The following MEGF9 variants were observed in gnomAD, a reference collection of about 807,000 sequenced individuals.
The protein encoded by MEGF9 is multiple EGF like domains 9.
In MEGF9, 6 loss-of-function variants were observed where a neutral mutation model predicts 46.8. The ratio of observed to expected loss-of-function variants is 0.13; its 90% CI spans 0.07 to 0.25. The LOEUF (loss-of-function observed/expected upper bound fraction) is 0.25, where lower values mean the gene tolerates loss of function less well. MEGF9 is among the 10% of genes least tolerant of loss of function. The pLI, the probability that MEGF9 is intolerant of heterozygous loss-of-function variation, is 1.00. For missense variants in MEGF9, 683 were observed against 792.4 expected (o/e 0.86, Z 1.66); for synonymous variants, 302 against 330.7 (o/e 0.91, Z 0.94).
intron 1 of MEGF9, among the ~76,000 whole-genome samples, chr9:120,695,173 T>C (rs1311087508): frequency 6.6e-6 from 1 of 152,162 alleles, no homozygotes; most frequent in Non-Finnish European, 1.5e-5. Flanking sequence ...TAGTATTTAC[T>C]ACATGCTGAA....
rs566744162 is a variant in MEGF9 at position 120,646,920 on chromosome 9, G to C, written c.803+12454C>G. On this transcript the variant is annotated intron_variant, in intron 2 of 5. Coordinates refer to ENST00000373930, the MANE Select transcript of MEGF9 (RefSeq NM_001080497.3). ...ATATATTCAACTACAGATTTAGAGG[G>C]GAGCTTCTCACAAAAATGAAATAAA... Among the ~76,000 whole-genome samples, 6 of 151,596 alleles carry C rather than the reference G, an allele frequency of 4.0e-5. No homozygotes were observed. The South Asian group carries it at 1.3e-3, about 32-fold the overall frequency.
At chr9:120,610,017 T>C (rs2043438401) in intron 4 of MEGF9, among the ~76,000 whole-genome samples, 1 of 152,188 alleles carries the variant, frequency 6.6e-6, no homozygotes, top group East Asian at 1.9e-4. Flanking sequence ...TAAAGAATTC[T>C]AACTTACCAC....
At chr9:120,645,764 ATAAAGATTAACAGTTT>A (rs2132315348) in intron 2 of MEGF9, among the ~76,000 whole-genome samples, 1 of 152,326 alleles carries the variant, frequency 6.6e-6, no homozygotes, top group South Asian at 2.1e-4. Flanking sequence ...AGGCCTCCTT[ATAAAGATTAACAGTTT>A]TAAAAACTCT....
At chr9:120,671,688 T>C (rs1283293814) in intron 1 of MEGF9, among the ~76,000 whole-genome samples, 4 of 152,192 alleles carry the variant, frequency 2.6e-5, no homozygotes, top group Non-Finnish European at 5.9e-5. Flanking sequence ...AGCATTTTAA[T>C]AAGAAATAAC....
At chr9:120,678,766 A>G (rs113292480) in intron 1 of MEGF9, among the ~76,000 whole-genome samples, 3,611 of 152,132 alleles carry the variant, frequency 0.024, 152 homozygotes, top group African/African-American at 0.083. Flanking sequence ...GAGCCACTGC[A>G]TTCAGCCTGA....
chr9:120,674,772 G>A (rs534678301), intron 1 of MEGF9, among the ~76,000 whole-genome samples: 2 of 152,094 alleles, frequency 1.3e-5, no homozygotes, highest in East Asian at 1.9e-4. Context: ...GTCTTGCTAT[G>A]TTGGCCAGGC....
chr9:120,617,673 G>A (rs1444102319), intron 3 of MEGF9, among the ~76,000 whole-genome samples: 3 of 152,220 alleles, frequency 2.0e-5, no homozygotes, highest in East Asian at 3.8e-4. Flanking sequence ...TGGTTGTTAT[G>A]TGGAGACTAA....
rs78445269 is a variant in MEGF9, at chr9:120,622,124, C to T, written c.943+492G>A. ...TTTTTTTCTACCTTTCTGGCCCAGC[C>T]TTCCATCTTTTGCATAGTCGGCTAA... On this transcript the variant is annotated intron_variant, in intron 3 of 5. Coordinates refer to ENST00000373930, the MANE Select transcript of MEGF9 (RefSeq NM_001080497.3). 2.9e-3 allele frequency among the ~76,000 whole-genome samples: 440 copies of T among 152,322 alleles called. 1 individual carries two copies. The highest frequency in any genetic ancestry group is 4.4e-3 in the Non-Finnish European group (302 of 68,030).
Position 120,604,840 on chromosome 9 carries a change from A to G in MEGF9, c.*350T>C, listed in dbSNP as rs180728527. The stretch of plus-strand genomic sequence containing the variant: ...TTCCAGCAGTCTTTTCCCCCTCCAC[A>G]TTCATCATCTTGTTACCACTGGCTT... On this transcript the variant is annotated 3_prime_UTR_variant, in exon 6 of 6. Coordinates refer to ENST00000373930, the MANE Select transcript of MEGF9 (RefSeq NM_001080497.3). 1.1e-3 allele frequency: 270 copies of G among 236,864 alleles called. 1 individual carries two copies. Among genetic ancestry groups the G allele is most frequent in the African/African-American group, 5.7e-3 (257 of 44,734 alleles). 14.7% of individuals were successfully genotyped at this position (236,864 alleles called of 1,614,324 possible).
chr9:120,621,665 T>C (rs1401936165), intron 3 of MEGF9, among the ~76,000 whole-genome samples: 1 of 152,078 alleles, frequency 6.6e-6, no homozygotes, highest in Non-Finnish European at 1.5e-5. Flanking sequence ...CCATTGCTCA[T>C]TTTTTTTCTC....
intron 1 of MEGF9, among the ~76,000 whole-genome samples, chr9:120,667,952 G>A (rs2043732614): frequency 6.6e-6 from 1 of 152,234 alleles, no homozygotes; most frequent in Admixed American, 6.5e-5. Flanking sequence ...TTAAACCTGG[G>A]AGGCAGAGGT....
chr9:120,674,921 C>G (rs1265191610), intron 1 of MEGF9, among the ~76,000 whole-genome samples: 1 of 149,784 alleles, frequency 6.7e-6, no homozygotes, highest in African/African-American at 2.5e-5. Flanking sequence ...CTCTGTCACC[C>G]AGGCTGGAGT....
At position 120,654,700 on chromosome 9, in the gene MEGF9, C is replaced by T. The variant is rs138087649; in HGVS notation, c.803+4674G>A. 2.8e-3 allele frequency among the ~76,000 whole-genome samples: 419 copies of T among 152,254 alleles called. 2 individuals are homozygous for T. The highest frequency in any genetic ancestry group is 0.01 in the Middle Eastern group (3 of 294). ...AAAAGTTAACTAGAACAGCCTCAGG[C>T]AGTTTCTTCATGAGGTATCCCAAAA... is the stretch of plus-strand genomic sequence containing the variant. On this transcript the variant is annotated intron_variant, in intron 2 of 5. Coordinates refer to ENST00000373930, the MANE Select transcript of MEGF9 (RefSeq NM_001080497.3).
At chr9:120,636,750 C>T (rs1287134905) in intron 2 of MEGF9, among the ~76,000 whole-genome samples, 6 of 151,636 alleles carry the variant, frequency 4.0e-5, no homozygotes, top group African/African-American at 1.2e-4. Context: ...GGAGCGCCTC[C>T]GCCCGGCCGC....
intron 4 of MEGF9, 29 bp from the exon 5 acceptor site, chr9:120,608,039 G>C: frequency 6.2e-7 from 1 of 1,608,886 alleles, no homozygotes; most frequent in Non-Finnish European, 8.5e-7. Context: ...AAATAGTTTA[G>C]TACAGTCTGA....
chr9:120,713,828 G>A lies in MEGF9; in HGVS notation c.531C>T (p.Leu177=). 1 of 1,301,990 alleles carries A rather than the reference G, an allele frequency of 7.7e-7. No individual in the cohort carries two copies. Among genetic ancestry groups the A allele is most frequent in the South Asian group, 2.9e-5 (1 of 34,920 alleles). The allele number at this position is 1,301,990 out of a possible 1,614,324, so 80.7% of individuals were successfully genotyped here. The part of the protein sequence containing the change: ...PTTPRTPTPD[L]PSSSNSSVLP... Reference sequence around the variant, plus strand: ...GGACGCTGCTGTTGCTGCTGCTGGGGAGATCGGGGGTCGGGGTCCGGGGAG... The same window carrying A: ...GGACGCTGCTGTTGCTGCTGCTGGGAAGATCGGGGGTCGGGGTCCGGGGAG... The change falls in exon 1 of 6, where the codon CTC becomes CTT. Residue 177 remains leucine, a synonymous_variant. Coordinates refer to ENST00000373930, the MANE Select transcript of MEGF9 (RefSeq NM_001080497.3).
chr9:120,714,078 G>A lies in MEGF9; in HGVS notation c.281C>T (p.Thr94Ile). The change falls in exon 1 of 6, where the codon ACT becomes ATT. Residue 94 changes from threonine to isoleucine, a missense_variant. By Grantham distance (89) the Thr-to-Ile change is moderately conservative (BLOSUM62 -1). Transcript: ENST00000373930. The part of the protein sequence containing the change: ...RATVHRPLAA[T>I]SPAQSPETTP... Reference sequence around the variant, plus strand: ...GGTCTCCGGGGACTGGGCTGGAGAAGTCGCAGCCAGGGGTCGGTGGACGGT... The same window carrying A: ...GGTCTCCGGGGACTGGGCTGGAGAAATCGCAGCCAGGGGTCGGTGGACGGT... 1 of 1,268,868 alleles carries A rather than the reference G, an allele frequency of 7.9e-7. No individual in the cohort carries two copies. Among genetic ancestry groups the A allele is most frequent in the Non-Finnish European group, 9.9e-7 (1 of 1,006,632 alleles). 78.6% of individuals were successfully genotyped at this position (1,268,868 alleles called of 1,614,324 possible).
At chr9:120,700,640 C>T (rs13289165) in intron 1 of MEGF9, among the ~76,000 whole-genome samples, 2,996 of 152,220 alleles carry the variant, frequency 0.02, 43 homozygotes, top group Non-Finnish European at 0.026. Context: ...CCTTCCCCCC[C>T]CGTTATTTCC....
chr9:120,630,706 T>TG (rs2043546687), intron 2 of MEGF9, among the ~76,000 whole-genome samples: 1 of 152,196 alleles, frequency 6.6e-6, no homozygotes, highest in African/African-American at 2.4e-5. Context: ...GACATTCTAA[T>TG]GGGGGTGAGA....
Sources: gnomAD v4.1 joint callset for allele counts (sites outside exome capture counted in the v4.1 genomes callset) on GRCh38, gnomAD v4.1.1 for gene constraint, MANE v1.5 for transcripts, NCBI Gene and HGNC (gene_info 2026-07-23, HGNC 2026-07-21) for gene names.